The following TAFA5 variants were observed in gnomAD, a reference collection of about 807,000 sequenced individuals.
TAFA5 encodes the protein TAFA chemokine like family member 5, also known as chemokine-like protein TAFA-5.
A neutral mutation model predicts 15.3 loss-of-function variants in TAFA5; 6 were observed. The observed-to-expected ratio is 0.39, with a 90% CI of 0.21 to 0.77. The LOEUF is 0.77. Among genes scored for constraint, TAFA5 ranks in the 30% least tolerant of loss-of-function variants. The pLI is 0.41. For synonymous variants in TAFA5, 103 were observed against 80.7 expected (o/e 1.28, Z -1.48); for missense variants, 161 against 193.1 (o/e 0.83, Z 0.98).
chr22:48,679,843 G>A (rs12163451), intron 2 of TAFA5, among the ~76,000 whole-genome samples: 22,672 of 144,038 alleles, frequency 0.16, 2,264 homozygotes, highest in East Asian at 0.26. Flanking sequence ...CCCTCACCGT[G>A]TGGACCGGCC....
intron 2 of TAFA5, among the ~76,000 whole-genome samples, chr22:48,670,767 T>G (rs1347501264): frequency 6.6e-6 from 1 of 152,146 alleles, no homozygotes; most frequent in Non-Finnish European, 1.5e-5. Flanking sequence ...AGAAAGCACC[T>G]CCTCAGTTGT....
chr22:48,571,608 C>CTTTTTTTTTTTTTTTT (rs1601586303), intron 1 of TAFA5, among the ~76,000 whole-genome samples: 5 of 33,536 alleles, frequency 1.5e-4, no homozygotes, highest in Non-Finnish European at 1.1e-4. Flanking sequence ...TTTTTTTTTG[C>CTTTTTTTTTTTTTTTT]TTTAAAAAAA....
chr22:48,556,008 G>A (rs1923025125), intron 1 of TAFA5, among the ~76,000 whole-genome samples: 1 of 152,310 alleles, frequency 6.6e-6, no homozygotes, highest in East Asian at 1.9e-4. Flanking sequence ...TGTGGGCAGA[G>A]TCTTCTGATG....
intron 1 of TAFA5, among the ~76,000 whole-genome samples, chr22:48,594,790 G>T (rs117869906): frequency 6.6e-6 from 1 of 152,332 alleles, no homozygotes; most frequent in East Asian, 1.9e-4. Context: ...ACGGATGGGC[G>T]TAAGGACGGG....
chr22:48,548,797 C>A (rs9615342), intron 1 of TAFA5, among the ~76,000 whole-genome samples: 1 of 152,232 alleles, frequency 6.6e-6, no homozygotes, highest in Non-Finnish European at 1.5e-5. Flanking sequence ...GCCTAACAAC[C>A]GAAGTCTCTT....
chr22:48,568,699 C>T (rs943610644), intron 1 of TAFA5, among the ~76,000 whole-genome samples: 3 of 152,212 alleles, frequency 2.0e-5, no homozygotes, highest in Admixed American at 6.5e-5. Context: ...GACTGGCCAG[C>T]GGTCTGGTCA....
At chr22:48,525,700 G>GCTT (rs1921757706) in intron 1 of TAFA5, among the ~76,000 whole-genome samples, 1 of 152,174 alleles carries the variant, frequency 6.6e-6, no homozygotes, top group Non-Finnish European at 1.5e-5. Flanking sequence ...TGCTGCTGCT[G>GCTT]CTGGCCTGGT....
At chr22:48,593,474 C>T (rs1924648613) in intron 1 of TAFA5, among the ~76,000 whole-genome samples, 1 of 151,412 alleles carries the variant, frequency 6.6e-6, no homozygotes, top group Non-Finnish European at 1.5e-5. Flanking sequence ...GCTGTCTGGG[C>T]TCGGGGGGTG....
intron 1 of TAFA5, among the ~76,000 whole-genome samples, chr22:48,607,314 G>A (rs1205524949): frequency 7.2e-6 from 1 of 138,398 alleles, no homozygotes; most frequent in East Asian, 2.2e-4. Flanking sequence ...GATTAGGGCT[G>A]GCCCACCCAT....
At chr22:48,662,678 C>T (rs373794042) in intron 2 of TAFA5, among the ~76,000 whole-genome samples, 2 of 152,212 alleles carry the variant, frequency 1.3e-5, no homozygotes, top group Non-Finnish European at 2.9e-5. Context: ...CCAGCAGGCA[C>T]GGAGTGAGAG....
chr22:48,627,427 G>A lies in TAFA5; in HGVS notation c.113-19170G>A, dbSNP rs968734198. 7.2e-5 allele frequency among the ~76,000 whole-genome samples: 11 copies of A among 152,238 alleles called. No individual in the cohort carries two copies. The South Asian group carries it at 1.0e-3, about 14-fold the overall frequency. On this transcript the variant is annotated intron_variant, in intron 1 of 3. Coordinates refer to ENST00000402357, the MANE Select transcript of TAFA5 (RefSeq NM_001082967.3). ...TGCGTCAGCACCCAGAGGGCGCCGC[G>A]TGCAGGCTGGGCCAGTGCCAGGGGT...
chr22:48,571,564 T>G (rs1222510596), intron 1 of TAFA5, among the ~76,000 whole-genome samples: 2 of 134,128 alleles, frequency 1.5e-5, no homozygotes, highest in Non-Finnish European at 3.1e-5. Flanking sequence ...TGAGCCACTG[T>G]GCCTGGCCTG....
At chr22:48,576,342 T>C in intron 1 of TAFA5, 1 of 1,157,714 alleles carries the variant, frequency 8.6e-7, no homozygotes. Context: ...GCGCCTCCAG[T>C]CGCGGCGGAG....
intron 1 of TAFA5, among the ~76,000 whole-genome samples, chr22:48,556,842 T>G (rs1433856999): frequency 6.6e-6 from 1 of 152,050 alleles, no homozygotes; most frequent in African/African-American, 2.4e-5. Flanking sequence ...CATGCTCACT[T>G]CCCTTGGGGG....
intron 1 of TAFA5, among the ~76,000 whole-genome samples, chr22:48,500,264 A>T (rs989255474): frequency 6.6e-6 from 1 of 151,798 alleles, no homozygotes; most frequent in Non-Finnish European, 1.5e-5. Flanking sequence ...CTGGGCCCTG[A>T]CCCCACTCCC....
Position 48,490,918 on chromosome 22 carries a change from G to A in TAFA5, c.112+1214G>A, listed in dbSNP as rs529353075. ...AGAGCACAGTGGCCCAGGGAGACCC[G>A]GGCAGCCGCGGGATCGGCCTCCGGA... On this transcript the variant is annotated intron_variant, in intron 1 of 3. Coordinates refer to ENST00000402357, the MANE Select transcript of TAFA5 (RefSeq NM_001082967.3). This position sits in a 1 kb window ranked among gnomAD's most constrained non-coding sequence, Gnocchi z 5.8. 3.3e-5 allele frequency among the ~76,000 whole-genome samples: 5 copies of A among 152,244 alleles called. No individual in the cohort carries two copies. Among genetic ancestry groups the A allele is most frequent in the East Asian group, 1.9e-4 (1 of 5,170 alleles).
chr22:48,602,631 G>A (rs148947967), intron 1 of TAFA5, among the ~76,000 whole-genome samples: 57 of 152,266 alleles, frequency 3.7e-4, no homozygotes, highest in East Asian at 1.5e-3. Context: ...AACATATATC[G>A]TATCCTGGAC....
chr22:48,615,327 G>C (rs546416751), intron 1 of TAFA5, among the ~76,000 whole-genome samples: 2 of 152,286 alleles, frequency 1.3e-5, no homozygotes, highest in East Asian at 3.9e-4. Flanking sequence ...TCGGTCCGAC[G>C]AGCTTGTCCC....
At chr22:48,596,652 A>T (rs142186975) in intron 1 of TAFA5, among the ~76,000 whole-genome samples, 217 of 152,266 alleles carry the variant, frequency 1.4e-3, no homozygotes, top group Admixed American at 2.4e-3. Flanking sequence ...CGCTGTTATT[A>T]ACCGAGGCCC....
Sources: gnomAD v4.1 joint callset for allele counts (sites outside exome capture counted in the v4.1 genomes callset) on GRCh38, gnomAD v4.1.1 for gene constraint, Gnocchi (gnomAD v3.1) non-coding constraint, MANE v1.5 for transcripts, NCBI Gene and HGNC (gene_info 2026-07-23, HGNC 2026-07-21) for gene names.